Variants in PTPRT observed in about 807,000 individuals in gnomAD.
PTPRT encodes receptor-type tyrosine-protein phosphatase T.
Under a neutral mutation model 176.8 loss-of-function variants are expected in PTPRT, and 56 were observed. The observed-to-expected ratio is 0.32, with a 90% CI of 0.26 to 0.40. The LOEUF is 0.40. Ranked by LOEUF, PTPRT falls within the 10% of genes least tolerant of loss-of-function variation. The probability of loss-of-function intolerance (pLI) is 1.00; values close to 1 mark genes in which losing one functional copy is unlikely to be tolerated. For missense variants in PTPRT, 1,540 were observed against 1,908.2 expected (o/e 0.81, Z 3.60); for synonymous variants, 783 against 739.0 (o/e 1.06, Z -0.96).
At chr20:42,980,366 A>AC (rs1040250289) in intron 1 of PTPRT, among the ~76,000 whole-genome samples, 1 of 152,192 alleles carries the variant, frequency 6.6e-6, no homozygotes, top group Non-Finnish European at 1.5e-5. Flanking sequence ...TTCAGTTCCC[A>AC]CCTGTGCAAC....
Position 43,189,698 on chromosome 20 carries a change from G to A in PTPRT, c.36C>T (p.Leu12=), listed in dbSNP as rs886764428. 2 of 1,316,588 alleles carry A rather than the reference G, an allele frequency of 1.5e-6. No homozygotes were observed. Among genetic ancestry groups the A allele is most frequent in the Non-Finnish European group, 9.7e-7 (1 of 1,033,006 alleles). The allele number at this position is 1,316,588 out of a possible 1,614,324, so 81.6% of individuals were successfully genotyped here. ...GCAGTGGCGGCAGCTGCAGCCTCAG[G>A]AGCAGGCTGAGGGCGAGCGCGGCGA... ...ASLAALALSL[L]LRLQLPPLPG... The change falls in exon 1 of 31, where the codon CTC becomes CTT. Residue 12 remains leucine, a synonymous_variant. Coordinates refer to ENST00000373187, the MANE Select transcript of PTPRT (RefSeq NM_007050.6). This position sits in a 1 kb window ranked among gnomAD's most constrained non-coding sequence, Gnocchi z 5.0.
Position 42,272,727 on chromosome 20 carries a change from A to G in PTPRT, c.2176+9762T>C, listed in dbSNP as rs867913716. Among the ~76,000 whole-genome samples, 598 of 150,596 alleles carry G rather than the reference A, an allele frequency of 4.0e-3. 3 individuals carry two copies. Among genetic ancestry groups the G allele is most frequent in the African/African-American group, 0.013 (521 of 41,384 alleles). ...CGTGCACACACACGTGCGCGCACAC[A>G]CACACACACACACACACACATACAG... is the stretch of plus-strand genomic sequence containing the variant. On this transcript the variant is annotated intron_variant, in intron 13 of 30. Transcript: ENST00000373187.
At chr20:42,791,142 T>C (rs1206118540) in intron 3 of PTPRT, 53 bp downstream of exon 3, 11 of 1,527,022 alleles carry the variant, frequency 7.2e-6, no homozygotes, top group African/African-American at 1.4e-5. Flanking sequence ...AGAGCAAAGG[T>C]GTATAGATTT....
At chr20:43,022,851 G>C (rs1242845850) in intron 1 of PTPRT, among the ~76,000 whole-genome samples, 1 of 152,192 alleles carries the variant, frequency 6.6e-6, no homozygotes, top group East Asian at 1.9e-4. Context: ...CCTTGCTAGA[G>C]CCTGATATTG....
At chr20:42,765,853 C>T (rs2076975911) in intron 5 of PTPRT, among the ~76,000 whole-genome samples, 2 of 152,120 alleles carry the variant, frequency 1.3e-5, no homozygotes, top group Admixed American at 1.3e-4. Context: ...ACCATTCCCT[C>T]ATTTACTTAA....
At chr20:42,992,143 C>T (rs945181206) in intron 1 of PTPRT, among the ~76,000 whole-genome samples, 3 of 152,116 alleles carry the variant, frequency 2.0e-5, no homozygotes, top group Non-Finnish European at 4.4e-5. Flanking sequence ...CCAATTTGGT[C>T]CCCAAGTCAT....
At chr20:42,134,985 A>G in intron 18 of PTPRT, among the ~76,000 whole-genome samples, 1 of 152,212 alleles carries the variant, frequency 6.6e-6, no homozygotes, top group East Asian at 1.9e-4. Context: ...TTGCATGTTC[A>G]AAGAACACCT....
At chr20:42,519,740 G>A (rs561065242) in intron 7 of PTPRT, among the ~76,000 whole-genome samples, 49 of 152,030 alleles carry the variant, frequency 3.2e-4, no homozygotes, top group Admixed American at 1.7e-3. Flanking sequence ...GTATTCTGAC[G>A]TCCAAACATA....
At chr20:43,117,262 G>C (rs2013096025) in intron 1 of PTPRT, among the ~76,000 whole-genome samples, 2 of 152,218 alleles carry the variant, frequency 1.3e-5, no homozygotes, top group Admixed American at 6.5e-5. Flanking sequence ...TGGATAAAGG[G>C]AGGGGTGAAG....
intron 2 of PTPRT, among the ~76,000 whole-genome samples, chr20:42,857,170 A>G (rs1192523065): frequency 6.6e-6 from 1 of 152,210 alleles, no homozygotes; most frequent in Non-Finnish European, 1.5e-5. Context: ...CATGACTCTG[A>G]AAAAGTCATT....
intron 2 of PTPRT, among the ~76,000 whole-genome samples, chr20:42,793,062 G>A (rs2145557808): frequency 6.6e-6 from 1 of 152,192 alleles, no homozygotes; most frequent in Admixed American, 6.5e-5. Flanking sequence ...TAGGGCCACA[G>A]TTGTCTTACT....
At chr20:42,890,899 T>C (rs924446059) in intron 1 of PTPRT, among the ~76,000 whole-genome samples, 5 of 152,188 alleles carry the variant, frequency 3.3e-5, no homozygotes, top group South Asian at 2.1e-4. Flanking sequence ...GTTTCCCCCA[T>C]ACTGTTCTCC....
At chr20:42,396,084 C>T (rs577913620) in intron 9 of PTPRT, among the ~76,000 whole-genome samples, 1 of 152,290 alleles carries the variant, frequency 6.6e-6, no homozygotes, top group African/African-American at 2.4e-5. Flanking sequence ...AAATATCCAA[C>T]AGGAATCCAT....
intron 2 of PTPRT, among the ~76,000 whole-genome samples, chr20:42,821,716 C>G (rs538779646): frequency 6.6e-6 from 1 of 152,086 alleles, no homozygotes; most frequent in Non-Finnish European, 1.5e-5. Context: ...AGCAAAGTCT[C>G]GGGATACAAA....
intron 2 of PTPRT, among the ~76,000 whole-genome samples, chr20:42,843,288 C>G (rs2078311109): frequency 6.6e-6 from 1 of 152,228 alleles, no homozygotes; most frequent in Non-Finnish European, 1.5e-5. Context: ...TCTCATGCCA[C>G]ACCCGGCCTT....
At chr20:42,129,598 G>A (rs1369157326) in intron 18 of PTPRT, among the ~76,000 whole-genome samples, 1 of 152,210 alleles carries the variant, frequency 6.6e-6, no homozygotes, top group African/African-American at 2.4e-5. Flanking sequence ...GTTCGGTCTG[G>A]TTGGGAGGAG....
intron 18 of PTPRT, among the ~76,000 whole-genome samples, chr20:42,133,762 A>G (rs1988245246): frequency 6.6e-6 from 1 of 152,210 alleles, no homozygotes; most frequent in Admixed American, 6.5e-5. Flanking sequence ...TGTTAATAAT[A>G]GGGGAAACAG....
intron 2 of PTPRT, among the ~76,000 whole-genome samples, chr20:42,877,062 TA>T (rs1466684124): frequency 6.6e-6 from 1 of 152,112 alleles, no homozygotes; most frequent in Non-Finnish European, 1.5e-5. Flanking sequence ...AGATATCAAC[TA>T]TGACTATCTT....
intron 6 of PTPRT, among the ~76,000 whole-genome samples, chr20:42,700,350 G>A (rs777790734): frequency 3.3e-5 from 5 of 152,090 alleles, no homozygotes; most frequent in African/African-American, 7.2e-5. Flanking sequence ...CAAGAAGCCT[G>A]GAGGCTGGCA....
Sources: gnomAD v4.1 joint callset for allele counts (sites outside exome capture counted in the v4.1 genomes callset) on GRCh38, gnomAD v4.1.1 for gene constraint, Gnocchi (gnomAD v3.1) non-coding constraint, MANE v1.5 for transcripts, NCBI Gene and HGNC (gene_info 2026-07-23, HGNC 2026-07-21) for gene names.